PEPD: variants seen among roughly 807,000 people sequenced by gnomAD.
The protein encoded by PEPD is xaa-Pro dipeptidase.
A neutral mutation model predicts 60.7 loss-of-function variants in PEPD; 53 were observed. The ratio of observed to expected loss-of-function variants is 0.87; its 90% CI spans 0.70 to 1.10. The LOEUF (loss-of-function observed/expected upper bound fraction) is 1.10, where lower values mean the gene tolerates loss of function less well. PEPD is among the 50% of genes least tolerant of loss of function. The pLI is 0.00. For synonymous variants in PEPD, 267 were observed against 284.1 expected, an observed-to-expected ratio of 0.94 and a Z score of 0.60; for missense variants, 711 against 711.9, an observed-to-expected ratio of 1.00 and a Z score of 0.01.
At chr19:33,514,069 A>G (rs1164119051) in intron 1 of PEPD, among the ~76,000 whole-genome samples, 1 of 152,152 alleles carries the variant, frequency 6.6e-6, no homozygotes, top group African/African-American at 2.4e-5. Flanking sequence ...TATCTATGGA[A>G]TGAATGAAAA....
chr19:33,424,012 C>T (rs1969090794), intron 9 of PEPD, among the ~76,000 whole-genome samples: 1 of 152,224 alleles, frequency 6.6e-6, no homozygotes, highest in Non-Finnish European at 1.5e-5. Flanking sequence ...TCACTAACTG[C>T]CCCTTGTGCG....
intron 7 of PEPD, among the ~76,000 whole-genome samples, chr19:33,466,940 G>A (rs1440820442): frequency 6.6e-6 from 1 of 151,978 alleles, no homozygotes; most frequent in African/African-American, 2.4e-5. Context: ...GGCAGATCAC[G>A]AGGTCAGGAG....
At chr19:33,393,835 C>A (rs1041847301) in intron 12 of PEPD, among the ~76,000 whole-genome samples, 6 of 152,024 alleles carry the variant, frequency 3.9e-5, no homozygotes, top group Non-Finnish European at 8.8e-5. Flanking sequence ...AGAGGCCAGA[C>A]CACCCCAAGG....
intron 9 of PEPD, among the ~76,000 whole-genome samples, chr19:33,462,518 G>A (rs1005783410): frequency 6.6e-6 from 1 of 152,226 alleles, no homozygotes; most frequent in Non-Finnish European, 1.5e-5. Context: ...GAAGCTCCCC[G>A]GGTGCCACTG....
intron 6 of PEPD, among the ~76,000 whole-genome samples, chr19:33,484,965 G>C (rs1243437337): frequency 6.6e-6 from 1 of 152,196 alleles, no homozygotes; most frequent in African/African-American, 2.4e-5. Context: ...ATCCCACTGG[G>C]CCTGTGAGGG....
chr19:33,394,369 G>A (rs898887346), intron 12 of PEPD, among the ~76,000 whole-genome samples: 1 of 152,216 alleles, frequency 6.6e-6, no homozygotes, highest in African/African-American at 2.4e-5. Flanking sequence ...CTTCCCGGGG[G>A]CAGGCCCGGC....
chr19:33,494,880 T>C (rs1014600288), intron 4 of PEPD, among the ~76,000 whole-genome samples: 1 of 152,116 alleles, frequency 6.6e-6, no homozygotes, highest in African/African-American at 2.4e-5. Flanking sequence ...TTAAATTACA[T>C]CTAATACACT....
chr19:33,434,029 C>A (rs1043078345), intron 9 of PEPD, among the ~76,000 whole-genome samples: 1 of 152,172 alleles, frequency 6.6e-6, no homozygotes, highest in Non-Finnish European at 1.5e-5. Flanking sequence ...CTAGAGGGTT[C>A]GCTCACCACC....
intron 4 of PEPD, among the ~76,000 whole-genome samples, chr19:33,494,945 TAAA>T (rs977784727): frequency 7.3e-5 from 11 of 151,282 alleles, no homozygotes; most frequent in Admixed American, 7.2e-4. Context: ...CCATCCTGGC[TAAA>T]ACAGTGAAAC....
chr19:33,409,981 C>T (rs1239486929), intron 11 of PEPD, among the ~76,000 whole-genome samples: 1 of 152,242 alleles, frequency 6.6e-6, no homozygotes, highest in Admixed American at 6.5e-5. Context: ...AGGAGGAAAG[C>T]TGAGCTCCGC....
At chr19:33,510,627 C>G (rs1176817799) in intron 3 of PEPD, among the ~76,000 whole-genome samples, 1 of 152,168 alleles carries the variant, frequency 6.6e-6, no homozygotes, top group Non-Finnish European at 1.5e-5. Context: ...TTGCCAGGAA[C>G]ATGTGAGGCA....
intron 13 of PEPD, 28 bp from the exon 14 acceptor site, chr19:33,388,109 A>T: frequency 6.5e-7 from 1 of 1,535,100 alleles, no homozygotes; most frequent in Non-Finnish European, 8.8e-7. Flanking sequence ...GAGGGGCCTG[A>T]TGAGCAGCTC....
chr19:33,521,670 AC>A, intron 1 of PEPD, 73 bp downstream of exon 1: 1 of 1,473,796 alleles, frequency 6.8e-7, no homozygotes, highest in Non-Finnish European at 9.2e-7. Flanking sequence ...TGACGCTCTC[AC>A]CCGCGGTCCG....
intron 9 of PEPD, among the ~76,000 whole-genome samples, chr19:33,454,289 C>T (rs1281469653): frequency 6.6e-6 from 1 of 152,088 alleles, no homozygotes; most frequent in Admixed American, 6.5e-5. Context: ...AAATAAATAT[C>T]CATGGGTCTA....
intron 6 of PEPD, among the ~76,000 whole-genome samples, chr19:33,479,421 TA>T (rs1451596671): frequency 6.6e-6 from 1 of 152,036 alleles, no homozygotes; most frequent in Non-Finnish European, 1.5e-5. Flanking sequence ...TTTTTTTTTT[TA>T]ATTTTAAGTT....
chr19:33,508,217 T>G (rs1202556753), intron 3 of PEPD, among the ~76,000 whole-genome samples: 2 of 152,068 alleles, frequency 1.3e-5, no homozygotes, highest in South Asian at 4.1e-4. Flanking sequence ...GTGAGGGCCA[T>G]GAGGAGGCGA....
At chr19:33,500,905 CT>C in intron 4 of PEPD, 32 bp downstream of exon 4, 2 of 1,311,810 alleles carry the variant, frequency 1.5e-6, no homozygotes, top group South Asian at 1.2e-5. Flanking sequence ...GCTGGAAGCC[CT>C]GGGCTGCTCA....
At chr19:33,480,265 C>A (rs1264487466) in intron 6 of PEPD, among the ~76,000 whole-genome samples, 1 of 152,040 alleles carries the variant, frequency 6.6e-6, no homozygotes, top group African/African-American at 2.4e-5. Context: ...TAACATCAGA[C>A]AAAATAAGCC....
At chr19:33,429,990 G>C (rs993506754) in intron 9 of PEPD, among the ~76,000 whole-genome samples, 2 of 152,230 alleles carry the variant, frequency 1.3e-5, no homozygotes, top group African/African-American at 4.8e-5. Context: ...GCCTGGGTGG[G>C]CACACCGGCA....
Sources: allele counts gnomAD v4.1 joint callset (sites outside exome capture counted in the v4.1 genomes callset), GRCh38; gene constraint gnomAD v4.1.1; transcripts MANE v1.5; gene names NCBI Gene and HGNC (gene_info 2026-07-23, HGNC 2026-07-21).